SMURF1: variants seen among roughly 807,000 people sequenced by gnomAD.
SMURF1 encodes SMAD specific E3 ubiquitin protein ligase 1, also known as E3 ubiquitin-protein ligase SMURF1.
SMURF1 carries 44 observed loss-of-function variants against 98.0 expected under a neutral mutation model. That is an observed-to-expected ratio of 0.45 (90% CI 0.35 to 0.58). The LOEUF is 0.58. SMURF1 is among the 20% of genes least tolerant of loss of function. The pLI, the probability that SMURF1 is intolerant of heterozygous loss-of-function variation, is 0.00. For synonymous variants in SMURF1, 396 were observed against 374.9 expected, an observed-to-expected ratio of 1.06 and a Z score of -0.65; for missense variants, 687 against 938.4, an observed-to-expected ratio of 0.73 and a Z score of 3.50.
chr7:99,131,597 A>T (rs1797873339), intron 1 of SMURF1, among the ~76,000 whole-genome samples: 1 of 152,142 alleles, frequency 6.6e-6, no homozygotes, highest in Non-Finnish European at 1.5e-5. Flanking sequence ...TTTAAAAATT[A>T]GCTGGGCATG....
Position 99,052,357 on chromosome 7 carries a change from G to A in SMURF1, c.569C>T (p.Ala190Val). Residue 190 changes from alanine to valine, a missense_variant, in exon 7 of 18, where the codon GCT (alanine) becomes GTT (valine). Ala to Val is a moderately conservative substitution (Grantham distance 64). Coordinates refer to ENST00000361368, the MANE Select transcript of SMURF1 (RefSeq NM_181349.3). Reference sequence around the variant, plus strand: ...CACGAACCTGCAATTCCCTCCTCCAGCAGCAGCACCGGTGCTATCTGTGTA... The same window carrying A: ...CACGAACCTGCAATTCCCTCCTCCAACAGCAGCACCGGTGCTATCTGTGTA... Reference protein sequence around the residue: ...APYTDSTGAAAGGGNCRFVES... With the variant: ...APYTDSTGAAVGGGNCRFVES... The A allele has an allele frequency of 6.2e-7, 1 of 1,612,492 alleles. No individual in the cohort carries two copies. The highest frequency in any genetic ancestry group is 1.7e-4 in the Middle Eastern group (1 of 6,058).
intron 11 of SMURF1, among the ~76,000 whole-genome samples, chr7:99,044,128 A>G (rs1389397142): frequency 6.6e-6 from 1 of 152,198 alleles, no homozygotes; most frequent in Non-Finnish European, 1.5e-5. Flanking sequence ...CCTGGCCACC[A>G]TGGTGAAACC....
At chr7:99,101,125 C>A (rs933693872) in intron 1 of SMURF1, among the ~76,000 whole-genome samples, 2 of 152,180 alleles carry the variant, frequency 1.3e-5, no homozygotes, top group Non-Finnish European at 2.9e-5. Context: ...TTATTAAGTT[C>A]TGAAGAAATA....
At chr7:99,055,266 G>A (rs1309362152) in intron 5 of SMURF1, among the ~76,000 whole-genome samples, 1 of 151,804 alleles carries the variant, frequency 6.6e-6, no homozygotes, top group African/African-American at 2.4e-5. Flanking sequence ...TCAGGAGTTT[G>A]AGACCAGCCT....
chr7:99,086,158 C>G (rs558242824), intron 1 of SMURF1, among the ~76,000 whole-genome samples: 15 of 151,768 alleles, frequency 9.9e-5, no homozygotes, highest in South Asian at 8.3e-4. Context: ...CCAGCCTGGC[C>G]AACATGGTGA....
intron 1 of SMURF1, among the ~76,000 whole-genome samples, chr7:99,063,251 A>T (rs1304866697): frequency 3.4e-3 from 10 of 2,908 alleles, no homozygotes; most frequent in African/African-American, 6.3e-3. Flanking sequence ...TTATATATAT[A>T]TATATATATA....
At chr7:99,035,003 G>A (rs866618761) in intron 16 of SMURF1, among the ~76,000 whole-genome samples, 18 of 152,310 alleles carry the variant, frequency 1.2e-4, no homozygotes, top group Middle Eastern at 3.4e-3. Context: ...ACATTAGGCC[G>A]CCTGCCCTAC....
intron 1 of SMURF1, among the ~76,000 whole-genome samples, chr7:99,083,229 T>C (rs772512341): frequency 4.6e-5 from 7 of 152,144 alleles, no homozygotes; most frequent in Admixed American, 4.6e-4. Context: ...GTTATCTCAA[T>C]AAAAATGTTA....
At chr7:99,129,325 G>A (rs1797811889) in intron 1 of SMURF1, among the ~76,000 whole-genome samples, 1 of 152,172 alleles carries the variant, frequency 6.6e-6, no homozygotes, top group South Asian at 2.1e-4. Flanking sequence ...GTACCAGACA[G>A]TGCATGTGGA....
chr7:99,142,057 A>G (rs1264850228), intron 1 of SMURF1, among the ~76,000 whole-genome samples: 1 of 152,206 alleles, frequency 6.6e-6, no homozygotes, highest in Non-Finnish European at 1.5e-5. Flanking sequence ...AGTACCAATG[A>G]GAGTGAGAAA....
At chr7:99,042,311 A>C in intron 11 of SMURF1, 79 bp from the exon 12 acceptor site, 1 of 939,200 alleles carries the variant, frequency 1.1e-6, no homozygotes, top group Non-Finnish European at 1.6e-6. Flanking sequence ...ATGGAGTCTC[A>C]CTCTGTCGCC....
At chr7:99,050,869 AAAG>A (rs1302992638) in intron 8 of SMURF1, 5 of 1,268,844 alleles carry the variant, frequency 3.9e-6, no homozygotes, top group East Asian at 3.5e-5. Context: ...CAAAAGAAAA[AAAG>A]AAACTTAACT....
At chr7:99,056,817 A>T (rs1795886098) in intron 5 of SMURF1, among the ~76,000 whole-genome samples, 1 of 152,108 alleles carries the variant, frequency 6.6e-6, no homozygotes, top group Non-Finnish European at 1.5e-5. Flanking sequence ...AGCCTGGCCA[A>T]CATGGTGAAA....
chr7:99,102,210 A>G (rs1563029189), intron 1 of SMURF1, among the ~76,000 whole-genome samples: 1 of 152,186 alleles, frequency 6.6e-6, no homozygotes, highest in Non-Finnish European at 1.5e-5. Context: ...TATACATTCT[A>G]AAATCTCCCT....
intron 13 of SMURF1, 65 bp downstream of exon 13, chr7:99,040,309 ACGCG>A: frequency 7.9e-7 from 1 of 1,258,298 alleles, no homozygotes; most frequent in Non-Finnish European, 1.1e-6. Context: ...GCGCGCGCGC[ACGCG>A]CATACATACG....
chr7:99,063,942 T>C, intron 1 of SMURF1, among the ~76,000 whole-genome samples: 1 of 152,056 alleles, frequency 6.6e-6, no homozygotes, highest in Non-Finnish European at 1.5e-5. Flanking sequence ...CAGCACACTT[T>C]GGGAGGCCGA....
intron 1 of SMURF1, among the ~76,000 whole-genome samples, chr7:99,136,088 C>T (rs757787937): frequency 6.6e-5 from 10 of 152,192 alleles, no homozygotes; most frequent in Non-Finnish European, 1.2e-4. Context: ...CCCAGCTACT[C>T]AGGAAGCTGA....
intron 8 of SMURF1, chr7:99,051,023 G>A (rs974440534): frequency 6.6e-7 from 1 of 1,521,080 alleles, no homozygotes; most frequent in Non-Finnish European, 8.9e-7. Flanking sequence ...AAGTAGAAGA[G>A]AGAAAGGGTA....
At chr7:99,060,457 A>G in intron 3 of SMURF1, 142 bp downstream of exon 3, 1 of 535,938 alleles carries the variant, frequency 1.9e-6, no homozygotes, top group Admixed American at 3.3e-5. Flanking sequence ...AAATTAGGCA[A>G]TGTAGACATT....
Sources: allele counts gnomAD v4.1 joint callset (sites outside exome capture counted in the v4.1 genomes callset), GRCh38; gene constraint gnomAD v4.1.1; transcripts MANE v1.5; gene names NCBI Gene and HGNC (gene_info 2026-07-23, HGNC 2026-07-21).